The following FCHSD2 variants were observed in gnomAD, a reference collection of about 807,000 sequenced individuals.
FCHSD2 encodes FCH and double SH3 domains 2.
A neutral mutation model predicts 108.1 loss-of-function variants in FCHSD2; 38 were observed. That is an observed-to-expected ratio of 0.35 (90% CI 0.27 to 0.46). The LOEUF (loss-of-function observed/expected upper bound fraction) is 0.46, where lower values mean the gene tolerates loss of function less well. FCHSD2 is among the 20% of genes least tolerant of loss of function. FCHSD2 has a pLI of 1.00. For missense variants in FCHSD2, 751 were observed against 897.8 expected, an observed-to-expected ratio of 0.84 and a Z score of 2.09; for synonymous variants, 279 against 314.7, an observed-to-expected ratio of 0.89 and a Z score of 1.20.
rs1373434091 is a variant in FCHSD2, at chr11:73,111,243, A to T, written c.120-27503T>A. Among the ~76,000 whole-genome samples, 3 of 152,078 alleles carry T rather than the reference A, an allele frequency of 2.0e-5. 1 individual carries two copies. The highest frequency in any genetic ancestry group is 7.2e-5 in the African/African-American group (3 of 41,422). ...TCTTCGCTGATTTTCTGTTTGGAAG[A>T]TCCTATCTCTCTTTTTAGCTCTAAT... On this transcript the variant is annotated intron_variant, in intron 2 of 19. Coordinates refer to ENST00000409418, the MANE Select transcript of FCHSD2 (RefSeq NM_014824.3).
At chr11:72,941,208 G>T in intron 8 of FCHSD2, 1 of 279,802 alleles carries the variant, frequency 3.6e-6, no homozygotes, top group South Asian at 5.5e-5. Flanking sequence ...TCCTTCAAGG[G>T]ACCAGAGGCC....
intron 8 of FCHSD2, among the ~76,000 whole-genome samples, chr11:72,955,699 C>G (rs1856699321): frequency 6.6e-6 from 1 of 152,058 alleles, no homozygotes; most frequent in Admixed American, 6.5e-5. Context: ...TCAGACACTC[C>G]TATCATTCAG....
At chr11:73,126,108 G>A (rs1036737327) in intron 2 of FCHSD2, among the ~76,000 whole-genome samples, 6 of 151,744 alleles carry the variant, frequency 4.0e-5, no homozygotes, top group Admixed American at 1.3e-4. Flanking sequence ...TTGGGAGGCC[G>A]AGGTGGGCGG....
intron 2 of FCHSD2, among the ~76,000 whole-genome samples, chr11:73,091,017 T>C (rs1859944208): frequency 1.3e-5 from 2 of 152,242 alleles, no homozygotes; most frequent in South Asian, 2.1e-4. Context: ...AAAAATTATA[T>C]GTGACCTTTT....
intron 8 of FCHSD2, among the ~76,000 whole-genome samples, chr11:72,924,469 A>G (rs1429819087): frequency 1.4e-5 from 2 of 147,722 alleles, no homozygotes; most frequent in South Asian, 2.2e-4. Context: ...TTTTCAGTAG[A>G]GACGGGGTTT....
intron 4 of FCHSD2, among the ~76,000 whole-genome samples, chr11:73,005,318 A>G (rs545392085): frequency 6.6e-6 from 1 of 152,116 alleles, no homozygotes; most frequent in African/African-American, 2.4e-5. Flanking sequence ...AGTGTCTACC[A>G]CTCTTCTGAA....
At chr11:72,881,670 T>A (rs1259316216) in intron 12 of FCHSD2, among the ~76,000 whole-genome samples, 1 of 152,168 alleles carries the variant, frequency 6.6e-6, no homozygotes, top group Non-Finnish European at 1.5e-5. Context: ...AAATGTGATA[T>A]ATACACACAA....
chr11:72,840,002 A>G (rs77663794), intron 19 of FCHSD2, among the ~76,000 whole-genome samples: 6,557 of 152,286 alleles, frequency 0.043, 381 homozygotes, highest in African/African-American at 0.13. Context: ...AGGCAAATGT[A>G]GAGAAGCACA....
At chr11:72,937,405 C>G (rs1472930791) in intron 8 of FCHSD2, among the ~76,000 whole-genome samples, 1 of 152,162 alleles carries the variant, frequency 6.6e-6, no homozygotes, top group African/African-American at 2.4e-5. Context: ...AAGCATTTAG[C>G]AAGAAATATA....
intron 3 of FCHSD2, among the ~76,000 whole-genome samples, chr11:73,076,973 G>A (rs991603723): frequency 1.3e-5 from 2 of 151,780 alleles, no homozygotes; most frequent in Admixed American, 6.6e-5. Flanking sequence ...AGCCAGGCAT[G>A]GTGGCGGGCA....
At chr11:72,940,627 C>G in intron 8 of FCHSD2, 1 of 1,444,132 alleles carries the variant, frequency 6.9e-7, no homozygotes, top group Non-Finnish European at 9.7e-7. Context: ...CCGCCCCACC[C>G]AGCCTGATAA....
At position 73,001,147 on chromosome 11, in the gene FCHSD2, A is replaced by G. The variant is rs371313184; in HGVS notation, c.243-13T>C. 1.9e-6 allele frequency: 3 copies of G among 1,611,296 alleles called. No homozygotes were observed. The highest frequency in any genetic ancestry group is 1.7e-6 in the Non-Finnish European group (2 of 1,178,802). ...GGGATACATGCTCCTAAATTCAAAGAGGGATAGAAAAGCATTAGGCAGGGA... is the reference window on the plus strand; with the variant it reads ...GGGATACATGCTCCTAAATTCAAAGGGGGATAGAAAAGCATTAGGCAGGGA... On this transcript the variant is annotated splice_polypyrimidine_tract_variant and intron_variant, in intron 4 of 19. Transcript: ENST00000409418.
chr11:72,910,926 G>A (rs1855752480), intron 9 of FCHSD2, among the ~76,000 whole-genome samples: 1 of 145,520 alleles, frequency 6.9e-6, no homozygotes, highest in African/African-American at 2.5e-5. Context: ...TGCAAATATT[G>A]TCTCCCATTC....
intron 8 of FCHSD2, among the ~76,000 whole-genome samples, chr11:72,972,685 C>T (rs1269392062): frequency 6.6e-6 from 1 of 152,140 alleles, no homozygotes; most frequent in African/African-American, 2.4e-5. Context: ...CACAGGGAAC[C>T]AATCATAAAA....
intron 3 of FCHSD2, among the ~76,000 whole-genome samples, chr11:73,039,546 T>C (rs1055208432): frequency 3.3e-5 from 5 of 151,066 alleles, no homozygotes; most frequent in Non-Finnish European, 7.4e-5. Flanking sequence ...AGAAAAGAAA[T>C]ATTAATATGT....
intron 13 of FCHSD2, 28 bp downstream of exon 13, chr11:72,867,837 T>C (rs765826753): frequency 1.3e-6 from 2 of 1,593,620 alleles, no homozygotes; most frequent in Non-Finnish European, 1.7e-6. Flanking sequence ...GAAAATCAAC[T>C]TGTCATATCC....
chr11:72,872,531 A>G (rs1854883927), intron 12 of FCHSD2, among the ~76,000 whole-genome samples: 1 of 152,116 alleles, frequency 6.6e-6, no homozygotes, highest in South Asian at 2.1e-4. Context: ...TTTAACACAT[A>G]TGAAACAATA....
chr11:72,988,514 T>C (rs1392778697), intron 6 of FCHSD2, among the ~76,000 whole-genome samples: 2 of 152,228 alleles, frequency 1.3e-5, no homozygotes, highest in African/African-American at 4.8e-5. Flanking sequence ...GCAGGGTTTC[T>C]ACATGGAGGT....
chr11:72,992,767 T>C (rs1857441997), intron 5 of FCHSD2, among the ~76,000 whole-genome samples: 2 of 152,162 alleles, frequency 1.3e-5, no homozygotes. Context: ...TCAAGATGGA[T>C]TAAAGACTTA....
Sources: allele counts gnomAD v4.1 joint callset (sites outside exome capture counted in the v4.1 genomes callset), GRCh38; gene constraint gnomAD v4.1.1; transcripts MANE v1.5; gene names NCBI Gene and HGNC (gene_info 2026-07-23, HGNC 2026-07-21).